Variants in FCN3 observed in about 807,000 individuals in gnomAD.
FCN3 encodes ficolin-3.
In FCN3, 28 loss-of-function variants were observed where a neutral mutation model predicts 31.5. The observed-to-expected ratio is 0.89, with a 90% confidence interval of 0.66 to 1.22. The LOEUF (loss-of-function observed/expected upper bound fraction) is 1.22. Ranked by LOEUF, FCN3 falls within the 50% of genes most tolerant of loss-of-function variation. The probability of loss-of-function intolerance (pLI) is 0.00; values close to 1 mark genes in which losing one functional copy is unlikely to be tolerated. For missense variants in FCN3, 351 were observed against 386.8 expected, an observed-to-expected ratio of 0.91 and a Z score of 0.78; for synonymous variants, 124 against 147.4, an observed-to-expected ratio of 0.84 and a Z score of 1.15.
Position 27,373,485 on chromosome 1 carries a change from C to T in FCN3, c.265+3G>A. 1 of 1,614,084 alleles carries T rather than the reference C, an allele frequency of 6.2e-7. No individual in the cohort carries two copies. The highest frequency in any genetic ancestry group is 8.5e-7 in the Non-Finnish European group (1 of 1,179,964). On this transcript the variant is annotated splice_donor_region_variant and intron_variant, in intron 4 of 7. Transcript: ENST00000270879. Reference sequence around the variant, plus strand: ...TTCCTGGCTCCTGCAAGGGCTGCCTCACCTTCCTGGCACCGGAGCAGGTTC... The same window carrying T: ...TTCCTGGCTCCTGCAAGGGCTGCCTTACCTTCCTGGCACCGGAGCAGGTTC...
chr1:27,374,232 G>T, intron 2 of FCN3, 124 bp downstream of exon 2: 1 of 761,096 alleles, frequency 1.3e-6, no homozygotes, highest in Non-Finnish European at 2.2e-6. Context: ...CGGGTGCCCA[G>T]CCTGGAGCTG....
intron 7 of FCN3, among the ~76,000 whole-genome samples, chr1:27,370,256 G>C (rs1321316291): frequency 6.6e-6 from 1 of 152,008 alleles, no homozygotes; most frequent in African/African-American, 2.4e-5. Flanking sequence ...TTATCTGCCC[G>C]CCTCGGCCTC....
Position 27,369,447 on chromosome 1 carries a change from G to A in FCN3, c.689C>T (p.Pro230Leu). 1.2e-6 allele frequency: 2 copies of A among 1,614,090 alleles called. No homozygotes were observed. Among genetic ancestry groups the A allele is most frequent in the Non-Finnish European group, 1.7e-6 (2 of 1,179,914 alleles). ...GDSLSLHSGR[P>L]FTTYDADHDS... ...GTGGTCAGCGTCATAGGTGGTAAAG[G>A]GCCTCCCACTGTGGAGGCTCAGGGA... Residue 230 changes from proline (P) to leucine (L), a missense_variant, in exon 8 of 8, where the codon CCC becomes CTC. Physicochemically the swap from Pro to Leu is moderately conservative, Grantham distance 98. Coordinates refer to ENST00000270879, the MANE Select transcript of FCN3 (RefSeq NM_003665.4).
rs1571085323 is a variant in FCN3 at position 27,369,161 on chromosome 1, T to G, written c.*75A>C. The G allele has an allele frequency of 6.4e-7, 1 of 1,554,842 alleles. No individual in the cohort carries two copies. Among genetic ancestry groups the G allele is most frequent in the East Asian group, 2.3e-5 (1 of 43,970 alleles). ...TTAAATGTGGACAGGCAAGCAGAGG[T>G]GGTTGGCAAAGGCAAGGTGGCTGAC... On this transcript the variant is annotated 3_prime_UTR_variant, in exon 8 of 8. Coordinates refer to ENST00000270879, the MANE Select transcript of FCN3 (RefSeq NM_003665.4).
rs781329306 is a variant in FCN3, at chr1:27,374,820, T to C, written c.-2A>G. On this transcript the variant is annotated 5_prime_UTR_variant, in exon 1 of 8. Transcript: ENST00000270879. The stretch of plus-strand genomic sequence containing the variant: ...GGGCAGGATCCACAGTAGATCCATC[T>C]TGCTGGGCCCACCAGGGGAAGGATG... 28 of 1,333,450 alleles carry C rather than the reference T, an allele frequency of 2.1e-5. No homozygotes were observed. The highest frequency in any genetic ancestry group is 2.6e-5 in the Non-Finnish European group (27 of 1,034,446). 82.6% of individuals were successfully genotyped at this position (1,333,450 alleles called of 1,614,324 possible). A position where few individuals can be genotyped will look rare whatever the true frequency, so the allele number is the denominator to read the frequency against.
intron 7 of FCN3, among the ~76,000 whole-genome samples, 196 bp from the exon 8 acceptor site, chr1:27,369,673 G>A (rs2148069497): frequency 6.6e-6 from 1 of 152,298 alleles, no homozygotes; most frequent in South Asian, 2.1e-4. Flanking sequence ...ACTCGGGACT[G>A]TCTGGCTCCA....
At chr1:27,374,664 G>T in intron 1 of FCN3, 64 bp downstream of exon 1, 1 of 1,022,772 alleles carries the variant, frequency 9.8e-7, no homozygotes, top group Non-Finnish European at 1.4e-6. Flanking sequence ...ATGAGCCTTG[G>T]TGGGGGGACA....
chr1:27,372,650 C>A (rs370311703), intron 5 of FCN3, among the ~76,000 whole-genome samples: 49 of 152,138 alleles, frequency 3.2e-4, no homozygotes, highest in Non-Finnish European at 5.6e-4. Context: ...CCGTCAGTGC[C>A]GGCAGACTTT....
At chr1:27,371,013 G>A (rs762407802) in intron 5 of FCN3, 41 bp from the exon 6 acceptor site, 2 of 1,599,572 alleles carry the variant, frequency 1.3e-6, no homozygotes, top group Non-Finnish European at 8.5e-7. Flanking sequence ...TCCAGGCTGG[G>A]CACTGGCAGC....
chr1:27,370,987 G>A lies in FCN3; in HGVS notation c.394-15C>T. On this transcript the variant is annotated splice_polypyrimidine_tract_variant and intron_variant, in intron 5 of 7. Transcript: ENST00000270879. ...CTCTGAAACACCTGGGGGAGGGGGG[G>A]CACAGCAGCTATTACTCCAGGCTGG... is the stretch of plus-strand genomic sequence containing the variant. 1.9e-6 allele frequency: 3 copies of A among 1,602,358 alleles called. No individual in the cohort carries two copies. The highest frequency in any genetic ancestry group is 1.3e-5 in the African/African-American group (1 of 74,748).
chr1:27,370,762 T>A (rs1421208737), intron 6 of FCN3, 32 bp from the exon 7 acceptor site: 3 of 1,612,956 alleles, frequency 1.9e-6, no homozygotes, highest in South Asian at 2.2e-5. Context: ...GATGGAGGAA[T>A]CCTCAGTTCT....
intron 7 of FCN3, 30 bp from the exon 8 acceptor site, chr1:27,369,507 G>A: frequency 6.2e-7 from 1 of 1,609,204 alleles, no homozygotes; most frequent in African/African-American, 1.3e-5. Context: ...AAGCACCTTG[G>A]TGCCCAGCAC....
chr1:27,370,210 T>C (rs958287600), intron 7 of FCN3, among the ~76,000 whole-genome samples: 3 of 152,048 alleles, frequency 2.0e-5, no homozygotes, highest in East Asian at 1.9e-4. Flanking sequence ...GGTTTCACCA[T>C]GTTGGCCAGG....
At chr1:27,370,353 G>C (rs2016120472) in intron 7 of FCN3, 1 of 518,280 alleles carries the variant, frequency 1.9e-6, no homozygotes, top group South Asian at 2.3e-5. Context: ...TCAGTGGAGG[G>C]GTAGGACTTG....
Position 27,369,191 on chromosome 1 carries a change from CG to C in FCN3, c.*44del. ...GGCAAAGGCAAGGTGGCTGACGATC[CG>C]GAAGCTGTACAGGAGAGATAAGGGC... On this transcript the variant is annotated 3_prime_UTR_variant, in exon 8 of 8. Coordinates refer to ENST00000270879, the MANE Select transcript of FCN3 (RefSeq NM_003665.4). The C allele has an allele frequency of 6.3e-7, 1 of 1,598,920 alleles. No individual in the cohort carries two copies. The highest frequency in any genetic ancestry group is 2.3e-5 in the East Asian group (1 of 44,440).
intron 3 of FCN3, 125 bp downstream of exon 3, chr1:27,373,840 C>A: frequency 1.2e-6 from 1 of 867,592 alleles, no homozygotes; most frequent in Non-Finnish European, 1.9e-6. Context: ...CCTTCCCACT[C>A]CTCCCAGCCA....
chr1:27,370,671 A>G lies in FCN3; in HGVS notation c.583T>C (p.Tyr195His), dbSNP rs1435922652. 4 of 1,614,090 alleles carry G rather than the reference A, an allele frequency of 2.5e-6. No homozygotes were observed. The highest frequency in any genetic ancestry group is 2.5e-6 in the Non-Finnish European group (3 of 1,180,052). ...DFNGNRTFAH[Y>H]ATFRLLGEVD... ...TCACCGAGGAGGCGGAAGGTCGCAT[A>G]GTGGGCGAAAGTACGGTTACCATTA... Residue 195 changes from tyrosine to histidine, a missense_variant, in exon 7 of 8, where the codon TAT becomes CAT. Coordinates refer to ENST00000270879, the MANE Select transcript of FCN3 (RefSeq NM_003665.4).
Position 27,370,685 on chromosome 1 carries a change from C to A in FCN3, c.569G>T (p.Arg190Leu). The A allele has an allele frequency of 6.2e-7, 1 of 1,614,226 alleles. No individual in the cohort carries two copies. Among genetic ancestry groups the A allele is most frequent in the African/African-American group, 1.3e-5 (1 of 75,046 alleles). ...GAAGGTCGCATAGTGGGCGAAAGTACGGTTACCATTAAAGTCTTCCAGCTC... is the reference window on the plus strand; with the variant it reads ...GAAGGTCGCATAGTGGGCGAAAGTAAGGTTACCATTAAAGTCTTCCAGCTC... ...RVELEDFNGN[R>L]TFAHYATFRL... The change falls in exon 7 of 8, where the codon CGT becomes CTT. Residue 190 changes from arginine to leucine, a missense_variant. Arg to Leu is a moderately radical substitution (Grantham distance 102, BLOSUM62 -2). Transcript: ENST00000270879.
intron 5 of FCN3, 137 bp downstream of exon 5, chr1:27,372,999 A>C: frequency 9.1e-7 from 1 of 1,103,616 alleles, no homozygotes; most frequent in Non-Finnish European, 1.3e-6. Flanking sequence ...TTCAGGTCCC[A>C]TTGGGGGCTC....
Sources: allele counts gnomAD v4.1 joint callset (sites outside exome capture counted in the v4.1 genomes callset), GRCh38; gene constraint gnomAD v4.1.1; transcripts MANE v1.5; gene names NCBI Gene and HGNC (gene_info 2026-07-23, HGNC 2026-07-21).